The following ZNF43 variants were observed in gnomAD, a reference collection of about 807,000 sequenced individuals.
ZNF43 encodes zinc finger protein 43.
Under a neutral mutation model 68.4 loss-of-function variants are expected in ZNF43, and 44 were observed. The observed-to-expected ratio is 0.64, with a 90% confidence interval of 0.51 to 0.83. The LOEUF (loss-of-function observed/expected upper bound fraction) is 0.83. Ranked by LOEUF, ZNF43 falls within the 40% of genes least tolerant of loss-of-function variation. ZNF43 has a pLI of 0.00. For synonymous variants in ZNF43, 308 were observed against 307.8 expected, an observed-to-expected ratio of 1.00 and a Z score of -0.01; for missense variants, 896 against 933.2, an observed-to-expected ratio of 0.96 and a Z score of 0.52.
rs573816145 is a variant in ZNF43, at chr19:21,848,213, G to A, written c.30+3692C>T. 3.1e-4 allele frequency among the ~76,000 whole-genome samples: 47 copies of A among 152,080 alleles called. No individual in the cohort carries two copies. In the East Asian group the frequency reaches 3.7e-3, roughly 12 times the overall value. On this transcript the variant is annotated intron_variant, in intron 1 of 3. Coordinates refer to the ZNF43 transcript ENST00000357491. ...GGCTGGAGTGCAGTGGTGTCATGTC[G>A]GCTCACTGCAACCACTGCCTCCCAG...
At chr19:21,825,879 C>T (rs926376583) in intron 1 of ZNF43, among the ~76,000 whole-genome samples, 1 of 151,994 alleles carries the variant, frequency 6.6e-6, no homozygotes, top group Non-Finnish European at 1.5e-5. Flanking sequence ...GGTGAAACTT[C>T]GTCTACTAAA....
At chr19:21,848,134 TTTG>T (rs139196924) in intron 1 of ZNF43, among the ~76,000 whole-genome samples, 5,879 of 150,930 alleles carry the variant, frequency 0.039, 188 homozygotes, top group South Asian at 0.15. Flanking sequence ...TATGTAACAA[TTTG>T]TTGTTGTTGT....
At chr19:21,850,452 C>T (rs1429087902) in intron 1 of ZNF43, among the ~76,000 whole-genome samples, 1 of 152,094 alleles carries the variant, frequency 6.6e-6, no homozygotes, top group Non-Finnish European at 1.5e-5. Flanking sequence ...CCCAGCACTT[C>T]AGGAGACTGA....
At chr19:21,814,703 C>T (rs555347825) in intron 3 of ZNF43, among the ~76,000 whole-genome samples, 37 of 151,704 alleles carry the variant, frequency 2.4e-4, no homozygotes, top group African/African-American at 5.8e-4. Flanking sequence ...CCACCGTGCC[C>T]GGCCAATTAA....
intron 1 of ZNF43, among the ~76,000 whole-genome samples, chr19:21,848,282 T>C (rs1432317510): frequency 1.3e-5 from 2 of 152,128 alleles, no homozygotes; most frequent in Non-Finnish European, 2.9e-5. Flanking sequence ...TAGCTGGGAT[T>C]ACAGGCATGC....
intron 1 of ZNF43, among the ~76,000 whole-genome samples, chr19:21,825,964 G>A (rs1230432065): frequency 2.6e-5 from 4 of 152,116 alleles, no homozygotes; most frequent in African/African-American, 7.2e-5. Flanking sequence ...CAGAAGAATC[G>A]CTTAAACCCG....
rs60910156 is a variant in ZNF43, at chr19:21,816,060, C to CAA, written c.229+1826_229+1827dup. Among the ~76,000 whole-genome samples, 8 of 108,046 alleles carry CAA rather than the reference C, an allele frequency of 7.4e-5. No individual in the cohort carries two copies. In the South Asian group the frequency reaches 1.1e-3, roughly 15 times the overall value. 70.9% of individuals were successfully genotyped at this position (108,046 alleles called of 152,430 possible). ...TGGGCAACAGAGCGAGACTCTGACG[C>CAA]AAAAAAAAAAAAGAAAAGAAAAGAA... On this transcript the variant is annotated intron_variant, in intron 3 of 3. Coordinates refer to ENST00000354959, the MANE Select transcript of ZNF43 (RefSeq NM_003423.4).
rs2036878755 is a variant in ZNF43, at chr19:21,805,138, G to T, written c.*2469C>A. On this transcript the variant is annotated 3_prime_UTR_variant, in exon 4 of 4. Coordinates refer to ENST00000354959, the MANE Select transcript of ZNF43 (RefSeq NM_003423.4). ...CTGATGTGACTAATACATATTATATGCCTGTATCAAAACATGTTATATATT... is the reference window on the plus strand; with the variant it reads ...CTGATGTGACTAATACATATTATATTCCTGTATCAAAACATGTTATATATT... 1 of 152,080 alleles carries T rather than the reference G, an allele frequency of 6.6e-6. No individual in the cohort carries two copies. Among genetic ancestry groups the T allele is most frequent in the African/African-American group, 2.4e-5 (1 of 41,420 alleles). 9.4% of individuals were successfully genotyped at this position (152,080 alleles called of 1,614,324 possible). A position where few individuals can be genotyped will look rare whatever the true frequency, so the allele number is the denominator to read the frequency against.
upstream of ZNF43, among the ~76,000 whole-genome samples, chr19:21,838,230 A>T (rs1967252879): frequency 6.6e-6 from 1 of 152,148 alleles, no homozygotes; most frequent in Admixed American, 6.6e-5. Context: ...GATTTGCCTG[A>T]CATAGTTCTC....
intron 3 of ZNF43, among the ~76,000 whole-genome samples, chr19:21,814,912 G>A (rs143272733): frequency 8.4e-4 from 128 of 151,974 alleles, no homozygotes; most frequent in African/African-American, 2.9e-3. Context: ...GCAAGGCCAG[G>A]CACAGTGGCT....
chr19:21,814,553 G>A (rs1432320707), intron 3 of ZNF43, among the ~76,000 whole-genome samples: 5 of 152,000 alleles, frequency 3.3e-5, no homozygotes, highest in South Asian at 2.1e-4. Context: ...GGGACTACAG[G>A]TGCGTACCAC....
intron 1 of ZNF43, among the ~76,000 whole-genome samples, chr19:21,831,287 T>C (rs1382718546): frequency 6.6e-6 from 1 of 152,202 alleles, no homozygotes; most frequent in Non-Finnish European, 1.5e-5. Flanking sequence ...AAAGTCAGAC[T>C]ACTCTTGTTT....
At chr19:21,836,963 C>T (rs533582029), upstream of ZNF43, among the ~76,000 whole-genome samples, 3 of 152,202 alleles carry the variant, frequency 2.0e-5, no homozygotes, top group Admixed American at 6.5e-5. Context: ...ATGTTATGCA[C>T]ATGTTTTAAA....
At chr19:21,849,488 C>CAA (rs35354919) in intron 1 of ZNF43, among the ~76,000 whole-genome samples, 1,016 of 29,486 alleles carry the variant, frequency 0.034, 114 homozygotes, top group Non-Finnish European at 0.051. Flanking sequence ...AACCCTGCCT[C>CAA]AAAAAAAAAA....
At chr19:21,824,755 AAAAG>A (rs1190433907) in intron 1 of ZNF43, among the ~76,000 whole-genome samples, 6 of 152,050 alleles carry the variant, frequency 3.9e-5, no homozygotes, top group Middle Eastern at 3.4e-3. Context: ...AAAAAAAGAA[AAAAG>A]AAAGAAAAAA....
rs781172462 is a variant in ZNF43 at position 21,809,346 on chromosome 19, T to C, written c.691A>G (p.Thr231Ala). Residue 231 changes from threonine to alanine, a missense_variant, in exon 4 of 4, where the codon ACA (threonine) becomes GCA (alanine). Transcript: ENST00000354959. ...AAGACTTTGCCACATTCTTCACATG[T>C]GTAGGGTTTCTCTCCAGTATTAATT... ...KRINTGEKPY[T>A]CEECGKVFNW... is the part of the protein sequence containing the mutation. 6.2e-7 allele frequency: 1 copy of C among 1,613,854 alleles called. No homozygotes were observed. Among genetic ancestry groups the C allele is most frequent in the Non-Finnish European group, 8.5e-7 (1 of 1,179,900 alleles).
intron 1 of ZNF43, among the ~76,000 whole-genome samples, chr19:21,824,142 T>A (rs987979680): frequency 6.6e-6 from 1 of 152,084 alleles, no homozygotes; most frequent in African/African-American, 2.4e-5. Flanking sequence ...ACCAAGATCG[T>A]GCCACTGCGC....
Position 21,833,891 on chromosome 19 carries a change from G to A in ZNF43, c.3+2145C>T, listed in dbSNP as rs567267099. 3.0e-4 allele frequency among the ~76,000 whole-genome samples: 46 copies of A among 152,018 alleles called. 1 individual carries two copies. The highest frequency in any genetic ancestry group is 1.0e-3 in the African/African-American group (43 of 41,468). On this transcript the variant is annotated intron_variant, in intron 1 of 3. Transcript: ENST00000354959. The stretch of plus-strand genomic sequence containing the variant: ...AAAAATGCAAAATTAGCCAGGCGTG[G>A]TAGTGCATCCCTGTAGTCCTAGCTA...
intron 1 of ZNF43, among the ~76,000 whole-genome samples, chr19:21,820,830 AT>A (rs750258211): frequency 0.054 from 6,950 of 128,750 alleles, 391 homozygotes; most frequent in African/African-American, 0.19. Context: ...ATGTTCTGTA[AT>A]TTTTTTTTTT....
Sources: gnomAD v4.1 joint callset for allele counts (sites outside exome capture counted in the v4.1 genomes callset) on GRCh38, gnomAD v4.1.1 for gene constraint, MANE v1.5 for transcripts, NCBI Gene and HGNC (gene_info 2026-07-23, HGNC 2026-07-21) for gene names.